BCL11B: variants seen among roughly 807,000 people sequenced by gnomAD.
The protein encoded by BCL11B is BCL11 transcription factor B.
Under a neutral mutation model 49.9 loss-of-function variants are expected in BCL11B, and 8 were observed. That is an observed-to-expected ratio of 0.16 (90% CI 0.09 to 0.29). The LOEUF (loss-of-function observed/expected upper bound fraction) is 0.29. Ranked by LOEUF, BCL11B falls within the 10% of genes least tolerant of loss-of-function variation. The probability of loss-of-function intolerance (pLI) is 1.00; values close to 1 mark genes in which losing one functional copy is unlikely to be tolerated. For synonymous variants in BCL11B, 739 were observed against 637.4 expected (o/e 1.16, Z -2.40); for missense variants, 1,006 against 1,351.0 (o/e 0.74, Z 4.00).
Position 99,192,232 on chromosome 14 carries a change from G to A in BCL11B, c.641-16037C>T, listed in dbSNP as rs1887053371. ...CTGTTCATAATACTGTCTTGGCAGC[G>A]TTTCCTTGGAGCGCACACGGTGAAC... On this transcript the variant is annotated intron_variant, in intron 3 of 3. Coordinates refer to ENST00000357195, the MANE Select transcript of BCL11B (RefSeq NM_138576.4). The surrounding 1 kb of genome is among the most constrained non-coding windows in gnomAD (Gnocchi z 4.0). Among the ~76,000 whole-genome samples the A allele has an allele frequency of 6.6e-6, 1 of 152,148 alleles. No homozygotes were observed. The highest frequency in any genetic ancestry group is 1.9e-4 in the East Asian group (1 of 5,184).
intron 3 of BCL11B, among the ~76,000 whole-genome samples, chr14:99,193,848 A>C (rs1887106383): frequency 6.6e-6 from 1 of 152,052 alleles, no homozygotes; most frequent in African/African-American, 2.4e-5. Flanking sequence ...TCTTTTTAAA[A>C]CCCCAAATCT....
chr14:99,222,615 T>G (rs1335680717), intron 3 of BCL11B, among the ~76,000 whole-genome samples: 1 of 152,198 alleles, frequency 6.6e-6, no homozygotes, highest in Non-Finnish European at 1.5e-5. Flanking sequence ...AAAACTGCCT[T>G]CTGGTGGACT....
In BCL11B at chr14:99,172,778, G is replaced by A. The variant is rs1886332201; in HGVS notation, c.*1373C>T. 2 of 216,000 alleles carry A rather than the reference G, an allele frequency of 9.3e-6. No homozygotes were observed. Among genetic ancestry groups the A allele is most frequent in the South Asian group, 3.7e-4 (2 of 5,376 alleles). 13.4% of individuals were successfully genotyped at this position (216,000 alleles called of 1,614,324 possible). On this transcript the variant is annotated 3_prime_UTR_variant, in exon 4 of 4. Coordinates refer to ENST00000357195, the MANE Select transcript of BCL11B (RefSeq NM_138576.4). The stretch of plus-strand genomic sequence containing the variant: ...TGCAAACAAAAGCTTTAAAGTGCGG[G>A]TCAACAGAATTCAAATGTCTAATCT...
Position 99,213,921 on chromosome 14 carries a change from G to A in BCL11B, c.640+17424C>T, listed in dbSNP as rs570380292. Among the ~76,000 whole-genome samples, 25 of 152,206 alleles carry A rather than the reference G, an allele frequency of 1.6e-4. No homozygotes were observed. The highest frequency in any genetic ancestry group is 2.2e-4 in the Non-Finnish European group (15 of 67,998). On this transcript the variant is annotated intron_variant, in intron 3 of 3. Coordinates refer to ENST00000357195, the MANE Select transcript of BCL11B (RefSeq NM_138576.4). The surrounding 1 kb of genome is among the most constrained non-coding windows in gnomAD (Gnocchi z 5.1). ...TCAAGGTGACACATCCCAGCCCTCCGGTGCTCCTCCGAGAGGCTTGGCCCC... is the reference window on the plus strand; with the variant it reads ...TCAAGGTGACACATCCCAGCCCTCCAGTGCTCCTCCGAGAGGCTTGGCCCC...
chr14:99,266,159 C>T lies in BCL11B; in HGVS notation c.58+5002G>A, dbSNP rs78454475. ...GTCGGCATTTTAAATCTTTGGGGAA[C>T]GGTGCTATTTCCCTTAGTTCAGTGG... On this transcript the variant is annotated intron_variant, in intron 1 of 3. Transcript: ENST00000357195. 6.1e-3 allele frequency among the ~76,000 whole-genome samples: 923 copies of T among 152,264 alleles called. 12 individuals carry two copies. The highest frequency in any genetic ancestry group is 0.026 in the Admixed American group (396 of 15,288).
chr14:99,245,759 G>C (rs1380043394), intron 2 of BCL11B, among the ~76,000 whole-genome samples: 2 of 152,188 alleles, frequency 1.3e-5, no homozygotes, highest in Non-Finnish European at 2.9e-5. Context: ...AGCGCCCAAG[G>C]GCCAGAGAGG....
rs577901866 is a variant in BCL11B, at chr14:99,262,970, T to C, written c.59-5131A>G. 1.3e-5 allele frequency: 2 copies of C among 151,872 alleles called. No individual in the cohort carries two copies. Among genetic ancestry groups the C allele is most frequent in the African/African-American group, 4.8e-5 (2 of 41,270 alleles). 9.4% of individuals were successfully genotyped at this position (151,872 alleles called of 1,614,324 possible). On this transcript the variant is annotated intron_variant, in intron 1 of 3. Coordinates refer to ENST00000357195, the MANE Select transcript of BCL11B (RefSeq NM_138576.4). This position sits in a 1 kb window ranked among gnomAD's most constrained non-coding sequence, Gnocchi z 4.2. ...GACAAGAGATTTTATGAAGTTCCCC[T>C]AACGGAGGGAATAATGAAGTGCCTG...
At position 99,171,352 on chromosome 14, in the gene BCL11B, GTTTT is replaced by G. The variant is rs780427704; in HGVS notation, c.*2795_*2798del. 4.6e-6 allele frequency: 1 copy of G among 216,382 alleles called. No individual in the cohort carries two copies. The highest frequency in any genetic ancestry group is 9.2e-6 in the Non-Finnish European group (1 of 108,272). The allele number at this position is 216,382 out of a possible 1,614,324, so 13.4% of individuals were successfully genotyped here. On this transcript the variant is annotated 3_prime_UTR_variant, in exon 4 of 4. Coordinates refer to ENST00000357195, the MANE Select transcript of BCL11B (RefSeq NM_138576.4). ...ACAATAGGACTTAACATACAAATGT[GTTTT>G]TTTTGCAATATTTTATCCTGCCAAA...
At chr14:99,180,338 G>T (rs377187569) in intron 3 of BCL11B, among the ~76,000 whole-genome samples, 1 of 152,160 alleles carries the variant, frequency 6.6e-6, no homozygotes, top group Non-Finnish European at 1.5e-5. Context: ...CCAGGGCCTC[G>T]TCTTCCCTTG....
At chr14:99,203,916 C>A (rs531266715) in intron 3 of BCL11B, among the ~76,000 whole-genome samples, 2 of 152,192 alleles carry the variant, frequency 1.3e-5, no homozygotes, top group South Asian at 4.1e-4. Flanking sequence ...CCCCTGAACC[C>A]CCCGCTCTGA....
At chr14:99,249,211 C>T (rs753232367) in intron 2 of BCL11B, among the ~76,000 whole-genome samples, 30 of 152,176 alleles carry the variant, frequency 2.0e-4, no homozygotes, top group African/African-American at 7.0e-4. Flanking sequence ...CAGGATCCCA[C>T]GAGGCCTGGG....
chr14:99,215,968 G>A (rs1325637854), intron 3 of BCL11B, among the ~76,000 whole-genome samples: 1 of 152,182 alleles, frequency 6.6e-6, no homozygotes, highest in East Asian at 1.9e-4. Flanking sequence ...CGGGAACAGA[G>A]GAAAAAGCCC....
Position 99,194,989 on chromosome 14 carries a change from A to G in BCL11B, c.641-18794T>C, listed in dbSNP as rs957373530. Among the ~76,000 whole-genome samples, 6 of 152,100 alleles carry G rather than the reference A, an allele frequency of 3.9e-5. No individual in the cohort carries two copies. The highest frequency in any genetic ancestry group is 1.2e-4 in the African/African-American group (5 of 41,434). ...CAGCCTGCCCTTGCTCCTTCCACCA[A>G]TAAGTCACCTTAGCACAGAGCCATC... is the stretch of plus-strand genomic sequence containing the variant. On this transcript the variant is annotated intron_variant, in intron 3 of 3. Coordinates refer to ENST00000357195, the MANE Select transcript of BCL11B (RefSeq NM_138576.4). This position sits in a 1 kb window ranked among gnomAD's most constrained non-coding sequence, Gnocchi z 4.6.
intron 3 of BCL11B, among the ~76,000 whole-genome samples, chr14:99,179,100 A>G (rs1886623304): frequency 6.6e-6 from 1 of 152,202 alleles, no homozygotes; most frequent in Non-Finnish European, 1.5e-5. Context: ...AGGTTTTTCA[A>G]CTCAAAAGGG....
intron 2 of BCL11B, among the ~76,000 whole-genome samples, chr14:99,246,477 C>T (rs1888842770): frequency 6.6e-6 from 1 of 152,220 alleles, no homozygotes; most frequent in African/African-American, 2.4e-5. Flanking sequence ...GGCCTGGGAA[C>T]AGTGCCGAGG....
chr14:99,259,088 T>C (rs1396651856), intron 1 of BCL11B, among the ~76,000 whole-genome samples: 2 of 152,128 alleles, frequency 1.3e-5, no homozygotes, highest in Non-Finnish European at 2.9e-5. Context: ...GGCTGGAATT[T>C]TTCGAGAGCA....
At chr14:99,230,785 C>T (rs1284418863) in intron 3 of BCL11B, among the ~76,000 whole-genome samples, 1 of 152,136 alleles carries the variant, frequency 6.6e-6, no homozygotes, top group African/African-American at 2.4e-5. Flanking sequence ...GCCCCCACCC[C>T]TCACACACCT....
intron 3 of BCL11B, among the ~76,000 whole-genome samples, chr14:99,200,373 G>A (rs1887341898): frequency 6.6e-6 from 1 of 152,230 alleles, no homozygotes; most frequent in African/African-American, 2.4e-5. Flanking sequence ...GCCGTGCCAG[G>A]CCAAGTGCCA....
chr14:99,240,597 C>G (rs1439518502), intron 2 of BCL11B, among the ~76,000 whole-genome samples: 2 of 152,194 alleles, frequency 1.3e-5, no homozygotes, highest in African/African-American at 4.8e-5. Context: ...ATATCGTAAG[C>G]CTTCTTTTCA....
Sources: allele counts gnomAD v4.1 joint callset (sites outside exome capture counted in the v4.1 genomes callset), GRCh38; gene constraint gnomAD v4.1.1; non-coding constraint Gnocchi (gnomAD v3.1); transcripts MANE v1.5; gene names NCBI Gene and HGNC (gene_info 2026-07-23, HGNC 2026-07-21).